ATP6V1G3: variants seen among roughly 807,000 people sequenced by gnomAD.
ATP6V1G3 encodes ATPase H+ transporting V1 subunit G3.
ATP6V1G3 carries 9 observed loss-of-function variants against 9.3 expected under a neutral mutation model. The observed-to-expected ratio is 0.97, with a 90% CI of 0.59 to 1.69. The LOEUF (loss-of-function observed/expected upper bound fraction) is 1.69, where lower values mean the gene tolerates loss of function less well. ATP6V1G3 is among the 40% of genes most tolerant of loss of function. The pLI, the probability that ATP6V1G3 is intolerant of heterozygous loss-of-function variation, is 0.00. For missense variants in ATP6V1G3, 133 were observed against 139.0 expected (o/e 0.96, Z 0.22); for synonymous variants, 43 against 43.8 (o/e 0.98, Z 0.07).
chr1:198,538,177 T>C (rs1005666833), intron 1 of ATP6V1G3, among the ~76,000 whole-genome samples: 4 of 152,132 alleles, frequency 2.6e-5, no homozygotes, highest in African/African-American at 9.7e-5. Context: ...AACAAAGACA[T>C]GGTAGATTAA....
chr1:198,539,096 C>A (rs1660245470), intron 1 of ATP6V1G3, among the ~76,000 whole-genome samples: 1 of 152,148 alleles, frequency 6.6e-6, no homozygotes, highest in Non-Finnish European at 1.5e-5. Context: ...CACTATCTTT[C>A]TTCTTCCTTT....
intron 1 of ATP6V1G3, among the ~76,000 whole-genome samples, chr1:198,535,366 A>T (rs1183947682): frequency 6.6e-6 from 1 of 152,172 alleles, no homozygotes; most frequent in East Asian, 1.9e-4. Flanking sequence ...TATTAAATTG[A>T]GGTGCTTGTT....
chr1:198,531,055 A>C (rs1425037260), intron 1 of ATP6V1G3, among the ~76,000 whole-genome samples: 2 of 152,070 alleles, frequency 1.3e-5, no homozygotes, highest in African/African-American at 2.4e-5. Flanking sequence ...AGTGGAATTC[A>C]GCACTCCACT....
chr1:198,527,095 TACA>T (rs1659683946), intron 2 of ATP6V1G3, among the ~76,000 whole-genome samples: 1 of 152,134 alleles, frequency 6.6e-6, no homozygotes, highest in Admixed American at 6.6e-5. Context: ...AACATCAAGA[TACA>T]ACACCCACGG....
intron 1 of ATP6V1G3, among the ~76,000 whole-genome samples, chr1:198,535,595 G>A (rs1317100863): frequency 6.6e-6 from 1 of 151,840 alleles, no homozygotes; most frequent in Non-Finnish European, 1.5e-5. Flanking sequence ...TGCTGTTTTT[G>A]CAACAAAATT....
At chr1:198,526,618 T>G (rs1204876783) in intron 2 of ATP6V1G3, among the ~76,000 whole-genome samples, 2 of 152,198 alleles carry the variant, frequency 1.3e-5, no homozygotes, top group African/African-American at 4.8e-5. Context: ...GGAAGAACTT[T>G]AAACATTCAA....
intron 2 of ATP6V1G3, among the ~76,000 whole-genome samples, chr1:198,527,184 T>A (rs774655158): frequency 2.0e-5 from 3 of 152,102 alleles, no homozygotes; most frequent in Non-Finnish European, 4.4e-5. Context: ...AAGATTTAAG[T>A]GGAATAGCAA....
At chr1:198,539,444 A>G (rs1660259045) in intron 1 of ATP6V1G3, among the ~76,000 whole-genome samples, 1 of 152,232 alleles carries the variant, frequency 6.6e-6, no homozygotes, top group Non-Finnish European at 1.5e-5. Flanking sequence ...ATGACACTAC[A>G]AATTATTGTA....
intron 1 of ATP6V1G3, among the ~76,000 whole-genome samples, chr1:198,535,855 TA>T (rs1224169292): frequency 6.6e-6 from 1 of 152,110 alleles, no homozygotes; most frequent in Non-Finnish European, 1.5e-5. Flanking sequence ...AGAGCAGCTG[TA>T]GGGGGTGAGT....
At chr1:198,526,695 C>T (rs1432032365) in intron 2 of ATP6V1G3, among the ~76,000 whole-genome samples, 6 of 152,016 alleles carry the variant, frequency 3.9e-5, no homozygotes, top group Admixed American at 1.3e-4. Flanking sequence ...GTCCCATCAC[C>T]GCAAGAAAAA....
At chr1:198,540,801 C>G, upstream of ATP6V1G3, 1 of 775,634 alleles carries the variant, frequency 1.3e-6, no homozygotes, top group Non-Finnish European at 2.1e-6. Context: ...GGCTGGATAG[C>G]TGGGTCCCAA....
intron 1 of ATP6V1G3, among the ~76,000 whole-genome samples, chr1:198,538,393 A>C (rs1410796069): frequency 6.6e-6 from 1 of 152,180 alleles, no homozygotes; most frequent in Non-Finnish European, 1.5e-5. Flanking sequence ...CTCCCACCCC[A>C]AAACAGCTTG....
rs1346683015 is a variant in ATP6V1G3, at chr1:198,523,530, A to G, written c.218T>C (p.Ile73Thr). ...MGSQNNLSDE[I>T]EEQTLGKIQE... ...TATCTTCCCTAGTGTTTGTTCTTCT[A>G]TTTCATCTGAGAGATTATTCTGAGA... The change falls in exon 3 of 3, where the codon ATA (isoleucine) becomes ACA (threonine). Residue 73 changes from isoleucine to threonine, a missense_variant. Ile to Thr is a moderately conservative substitution (Grantham distance 89, BLOSUM62 -1). Transcript: ENST00000367382. 2 of 1,613,302 alleles carry G rather than the reference A, an allele frequency of 1.2e-6. No homozygotes were observed. The highest frequency in any genetic ancestry group is 1.7e-6 in the Non-Finnish European group (2 of 1,179,664).
rs563075822 is a variant in ATP6V1G3 at position 198,537,552 on chromosome 1, C to G, written c.82+3017G>C. On this transcript the variant is annotated intron_variant, in intron 1 of 2. Coordinates refer to ENST00000367382, the MANE Select transcript of ATP6V1G3 (RefSeq NM_001376861.1). ...ACCATAGACCTTCTACAATGGTGTT[C>G]ACTATTGTGACTTCTTGGTCCTCAT... 3.3e-5 allele frequency among the ~76,000 whole-genome samples: 5 copies of G among 152,232 alleles called. No individual in the cohort carries two copies. In the East Asian group the frequency reaches 9.6e-4, roughly 29 times the overall value.
chr1:198,536,381 A>G (rs1352559334), intron 1 of ATP6V1G3, among the ~76,000 whole-genome samples: 1 of 152,160 alleles, frequency 6.6e-6, no homozygotes, highest in African/African-American at 2.4e-5. Flanking sequence ...ATTCTGATTG[A>G]AGTTTCAGTT....
intron 1 of ATP6V1G3, among the ~76,000 whole-genome samples, chr1:198,536,213 T>C (rs893570347): frequency 2.0e-5 from 3 of 152,194 alleles, no homozygotes; most frequent in Non-Finnish European, 4.4e-5. Context: ...ACAATGTTAA[T>C]GCAGAGCTAT....
chr1:198,525,987 T>G (rs751896220), intron 2 of ATP6V1G3, among the ~76,000 whole-genome samples: 9 of 152,196 alleles, frequency 5.9e-5, no homozygotes, highest in Non-Finnish European at 8.8e-5. Flanking sequence ...GTTTTACTTG[T>G]ACTTTTCAAA....
chr1:198,540,627 G>A lies in ATP6V1G3; in HGVS notation c.24C>T (p.Ile8=). 1 of 1,614,076 alleles carries A rather than the reference G, an allele frequency of 6.2e-7. No individual in the cohort carries two copies. The highest frequency in any genetic ancestry group is 8.5e-7 in the Non-Finnish European group (1 of 1,179,968). MTSQSQG[I]HQLLQAEKRA... Reference sequence around the variant, plus strand: ...GTTTTTCTGCCTGAAGAAGCTGGTGGATCCCCTGAGACTGGCTTGTCATGG... The same window carrying A: ...GTTTTTCTGCCTGAAGAAGCTGGTGAATCCCCTGAGACTGGCTTGTCATGG... Residue 8 remains isoleucine, a synonymous_variant, in exon 1 of 3, where the codon ATC becomes ATT. Transcript: ENST00000367382.
intron 1 of ATP6V1G3, among the ~76,000 whole-genome samples, chr1:198,532,865 A>G (rs73077385): frequency 0.016 from 2,388 of 152,282 alleles, 77 homozygotes; most frequent in African/African-American, 0.054. Context: ...ATATTCAATC[A>G]TGAATGTTAG....
Sources: allele counts gnomAD v4.1 joint callset (sites outside exome capture counted in the v4.1 genomes callset), GRCh38; gene constraint gnomAD v4.1.1; transcripts MANE v1.5; gene names NCBI Gene and HGNC (gene_info 2026-07-23, HGNC 2026-07-21).